MCHR2: variants seen among roughly 807,000 people sequenced by gnomAD.
MCHR2 encodes melanin concentrating hormone receptor 2, also known as melanin-concentrating hormone receptor 2.
In MCHR2, 15 loss-of-function variants were observed where a neutral mutation model predicts 24.8. That is an observed-to-expected ratio of 0.60 (90% CI 0.40 to 0.93). The LOEUF (loss-of-function observed/expected upper bound fraction) is 0.93, where lower values mean the gene tolerates loss of function less well. Ranked by LOEUF, MCHR2 falls within the 40% of genes least tolerant of loss-of-function variation. MCHR2 has a pLI of 0.00. For missense variants in MCHR2, 386 were observed against 408.7 expected, an observed-to-expected ratio of 0.94 and a Z score of 0.48; for synonymous variants, 151 against 147.6, an observed-to-expected ratio of 1.02 and a Z score of -0.17.
At chr6:99,945,408 A>G (rs1014771748) in intron 3 of MCHR2, among the ~76,000 whole-genome samples, 1 of 152,176 alleles carries the variant, frequency 6.6e-6, no homozygotes, top group Non-Finnish European at 1.5e-5. Context: ...AAACATTTTT[A>G]ATATTTTGGA....
chr6:99,929,719 A>G (rs949861775), intron 5 of MCHR2, among the ~76,000 whole-genome samples: 3 of 151,490 alleles, frequency 2.0e-5, no homozygotes, highest in African/African-American at 7.3e-5. Flanking sequence ...TTTTATTTTG[A>G]GCCTATGTGT....
chr6:99,941,129 G>A (rs978627439), intron 4 of MCHR2, among the ~76,000 whole-genome samples: 2 of 151,662 alleles, frequency 1.3e-5, no homozygotes, highest in Non-Finnish European at 2.9e-5. Flanking sequence ...TTTTTTCAGT[G>A]TAGAAACTGT....
At chr6:99,983,054 A>G (rs1232923597) in intron 1 of MCHR2, among the ~76,000 whole-genome samples, 1 of 152,066 alleles carries the variant, frequency 6.6e-6, no homozygotes, top group Non-Finnish European at 1.5e-5. Flanking sequence ...TCAACTTCCC[A>G]GGCTCAAGTA....
In MCHR2 at chr6:99,918,898, G is replaced by A. The variant is rs1465773318; in HGVS notation, c.*2042C>T. On this transcript the variant is annotated 3_prime_UTR_variant, in exon 6 of 6. Transcript: ENST00000281806. ...ACTGGCCAATTATTTGAGGACTATT[G>A]GGACTGCTACTAGAAAAAGGTCTGT... Among the ~76,000 whole-genome samples, 1 of 151,986 alleles carries A rather than the reference G, an allele frequency of 6.6e-6. No homozygotes were observed. The highest frequency in any genetic ancestry group is 1.5e-5 in the Non-Finnish European group (1 of 67,990).
chr6:99,950,227 C>A (rs967091383), intron 2 of MCHR2, among the ~76,000 whole-genome samples: 2 of 152,010 alleles, frequency 1.3e-5, no homozygotes, highest in Non-Finnish European at 2.9e-5. Context: ...GTTACTAGGG[C>A]AATATGAATA....
chr6:99,963,005 T>G (rs948167454), intron 1 of MCHR2, among the ~76,000 whole-genome samples: 1 of 152,064 alleles, frequency 6.6e-6, no homozygotes, highest in South Asian at 2.1e-4. Context: ...AGATGCTCAA[T>G]GTCACTAATC....
At chr6:99,925,325 A>C (rs1363998138) in intron 5 of MCHR2, among the ~76,000 whole-genome samples, 3 of 151,946 alleles carry the variant, frequency 2.0e-5, no homozygotes, top group African/African-American at 7.2e-5. Context: ...CAATAGATCA[A>C]CAGGTCTTGT....
intron 4 of MCHR2, among the ~76,000 whole-genome samples, chr6:99,939,337 A>T (rs1465623679): frequency 6.6e-6 from 1 of 152,072 alleles, no homozygotes; most frequent in Non-Finnish European, 1.5e-5. Flanking sequence ...TTTTATTTTT[A>T]AAATCTATTA....
At chr6:99,951,518 C>A (rs1774965294) in intron 2 of MCHR2, among the ~76,000 whole-genome samples, 1 of 152,122 alleles carries the variant, frequency 6.6e-6, no homozygotes, top group Non-Finnish European at 1.5e-5. Context: ...CTCATTGTGT[C>A]CTTAGGCAAG....
chr6:99,940,464 CTGATA>C (rs1312397529), intron 4 of MCHR2, among the ~76,000 whole-genome samples: 9 of 151,904 alleles, frequency 5.9e-5, no homozygotes, highest in Admixed American at 6.6e-5. Flanking sequence ...TTAAATTTCT[CTGATA>C]TATTTCTGAA....
At chr6:99,963,774 T>C (rs945367212) in intron 1 of MCHR2, among the ~76,000 whole-genome samples, 2 of 152,094 alleles carry the variant, frequency 1.3e-5, no homozygotes, top group Non-Finnish European at 2.9e-5. Context: ...CAATGTCCTA[T>C]TGGTAAACTA....
chr6:99,945,320 A>G (rs1375346877), intron 3 of MCHR2, among the ~76,000 whole-genome samples: 3 of 152,140 alleles, frequency 2.0e-5, no homozygotes, highest in Admixed American at 6.5e-5. Flanking sequence ...GCTCCTACTT[A>G]CTGACTCTTG....
intron 4 of MCHR2, among the ~76,000 whole-genome samples, chr6:99,941,117 G>GT (rs959379395): frequency 6.6e-6 from 1 of 151,548 alleles, no homozygotes; most frequent in Non-Finnish European, 1.5e-5. Flanking sequence ...CCTTGATCTC[G>GT]TTTTTTTCAG....
chr6:99,922,396 C>T (rs1245339249), intron 5 of MCHR2, among the ~76,000 whole-genome samples: 1 of 152,112 alleles, frequency 6.6e-6, no homozygotes, highest in East Asian at 1.9e-4. Context: ...CATGAGCCAC[C>T]GCGCCCGGAC....
intron 1 of MCHR2, among the ~76,000 whole-genome samples, chr6:99,993,499 C>A (rs1582420048): frequency 6.6e-6 from 1 of 152,252 alleles, no homozygotes; most frequent in African/African-American, 2.4e-5. Context: ...TCAAAAAAGC[C>A]TTCCCGAACT....
At position 99,931,887 on chromosome 6, in the gene MCHR2, C is replaced by T. The variant is rs1003394574; in HGVS notation, c.707+2511G>A. On this transcript the variant is annotated intron_variant, in intron 5 of 5. Transcript: ENST00000281806. ...CTGGCACTCCCTAGTGAGATGGACC[C>T]GGTACCTCAGATGGAAATGCAGAAA... Among the ~76,000 whole-genome samples the T allele has an allele frequency of 9.2e-5, 14 of 152,162 alleles. No homozygotes were observed. In the East Asian group the frequency reaches 1.2e-3, roughly 13 times the overall value.
chr6:99,985,906 T>C (rs1775759878), intron 1 of MCHR2, among the ~76,000 whole-genome samples: 1 of 152,154 alleles, frequency 6.6e-6, no homozygotes, highest in Non-Finnish European at 1.5e-5. Context: ...TAGGCGAAGA[T>C]ATTTGCAAAC....
At chr6:99,954,798 A>G (rs1775028151) in intron 2 of MCHR2, among the ~76,000 whole-genome samples, 1 of 152,146 alleles carries the variant, frequency 6.6e-6, no homozygotes, top group Non-Finnish European at 1.5e-5. Context: ...TGAGAGAGTG[A>G]CGCCTTTACT....
chr6:99,971,622 C>T (rs954463297), intron 1 of MCHR2, among the ~76,000 whole-genome samples: 3 of 152,168 alleles, frequency 2.0e-5, no homozygotes, highest in Admixed American at 6.6e-5. Flanking sequence ...TGAGAGAGGG[C>T]ATCCCTGTCT....
Sources: allele counts gnomAD v4.1 joint callset (sites outside exome capture counted in the v4.1 genomes callset), GRCh38; gene constraint gnomAD v4.1.1; transcripts MANE v1.5; gene names NCBI Gene and HGNC (gene_info 2026-07-23, HGNC 2026-07-21).